Variants in PCNX2 observed in about 807,000 individuals in gnomAD.
PCNX2 encodes pecanex-like protein 2.
A neutral mutation model predicts 223.8 loss-of-function variants in PCNX2; 168 were observed. The ratio of observed to expected loss-of-function variants is 0.75; its 90% CI spans 0.66 to 0.85. The LOEUF is 0.85. PCNX2 is among the 40% of genes least tolerant of loss of function. The pLI, the probability that PCNX2 is intolerant of heterozygous loss-of-function variation, is 0.00. For synonymous variants in PCNX2, 1,006 were observed against 1,052.6 expected, an observed-to-expected ratio of 0.96 and a Z score of 0.86; for missense variants, 2,507 against 2,675.5, an observed-to-expected ratio of 0.94 and a Z score of 1.39.
intron 25 of PCNX2, among the ~76,000 whole-genome samples, chr1:233,034,261 G>A (rs922803844): frequency 6.6e-6 from 1 of 152,070 alleles, no homozygotes; most frequent in Non-Finnish European, 1.5e-5. Context: ...GGAGGTGATT[G>A]GGTTATGAGG....
intron 28 of PCNX2, among the ~76,000 whole-genome samples, chr1:233,009,686 T>G (rs1206052503): frequency 6.6e-6 from 1 of 152,140 alleles, no homozygotes; most frequent in Non-Finnish European, 1.5e-5. Flanking sequence ...AATCACAGAT[T>G]TCCAAATCCA....
intron 15 of PCNX2, among the ~76,000 whole-genome samples, chr1:233,197,652 A>G (rs917223714): frequency 6.6e-6 from 1 of 152,180 alleles, no homozygotes; most frequent in African/African-American, 2.4e-5. Context: ...GAAAATATCT[A>G]TATGATAGGA....
intron 23 of PCNX2, among the ~76,000 whole-genome samples, chr1:233,067,365 CAAAAAAAAAAAAAAAAAAA>C (rs750823791): frequency 0.16 from 635 of 3,892 alleles, 11 homozygotes; most frequent in East Asian, 0.36. Flanking sequence ...AGAGCTTCAG[CAAAAAAAAAAAAAAAAAAA>C]AAAAAAAAAA....
intron 1 of PCNX2, among the ~76,000 whole-genome samples, chr1:233,280,760 T>C (rs902374736): frequency 6.6e-6 from 1 of 152,258 alleles, no homozygotes; most frequent in African/African-American, 2.4e-5. Flanking sequence ...ACATTTATGA[T>C]AGTAACTTTA....
chr1:233,117,322 A>G (rs1366292587), intron 21 of PCNX2, among the ~76,000 whole-genome samples: 1 of 152,130 alleles, frequency 6.6e-6, no homozygotes, highest in East Asian at 1.9e-4. Flanking sequence ...CCAGACAAAG[A>G]CAATACACAC....
intron 21 of PCNX2, among the ~76,000 whole-genome samples, chr1:233,113,600 T>C (rs1675241831): frequency 6.6e-6 from 1 of 152,234 alleles, no homozygotes; most frequent in African/African-American, 2.4e-5. Flanking sequence ...TTGTGTAAGG[T>C]AGGAAAGAAA....
intron 19 of PCNX2, among the ~76,000 whole-genome samples, chr1:233,147,524 G>A (rs1467514548): frequency 1.3e-5 from 2 of 151,926 alleles, no homozygotes; most frequent in African/African-American, 2.4e-5. Context: ...AGGTGAAAAG[G>A]TGGAGGAAGT....
At chr1:233,032,910 G>T in intron 25 of PCNX2, 2 of 860,014 alleles carry the variant, frequency 2.3e-6, no homozygotes, top group Non-Finnish European at 2.8e-6. Context: ...TCACACTCAG[G>T]ATCATATTAA....
At chr1:233,315,708 CAGGT>C in the PCNX2 span, among the ~76,000 whole-genome samples, 18 of 152,038 alleles carry the variant, frequency 1.2e-4, no homozygotes, top group Non-Finnish European at 2.2e-4. Flanking sequence ...CTCACAAAAA[CAGGT>C]AGTATGACCA....
At chr1:233,116,729 C>G (rs547309373) in intron 21 of PCNX2, among the ~76,000 whole-genome samples, 8 of 152,046 alleles carry the variant, frequency 5.3e-5, no homozygotes, top group African/African-American at 1.7e-4. Flanking sequence ...AACAACATCC[C>G]ACCTCAAGAG....
intron 21 of PCNX2, among the ~76,000 whole-genome samples, chr1:233,100,686 C>G (rs1193238450): frequency 6.6e-6 from 1 of 152,156 alleles, no homozygotes. Context: ...GGAGACACCC[C>G]TCCCACACAC....
intron 1 of PCNX2, among the ~76,000 whole-genome samples, chr1:233,270,324 A>G (rs1386734588): frequency 6.6e-6 from 1 of 152,208 alleles, no homozygotes; most frequent in Non-Finnish European, 1.5e-5. Flanking sequence ...AATAAACTAA[A>G]CAAATTTAGT....
chr1:233,252,632 T>C lies in PCNX2; in HGVS notation c.1982+9A>G, dbSNP rs1164883587. ...CCAAGTGAAACTAAATTAAGTAACT[T>C]ATCCTTACAAGGCTGTGGTCTTGGC... On this transcript the variant is annotated intron_variant, in intron 6 of 33. Transcript: ENST00000258229. The C allele has an allele frequency of 6.2e-7, 1 of 1,605,894 alleles. No homozygotes were observed. Among genetic ancestry groups the C allele is most frequent in the Non-Finnish European group, 8.5e-7 (1 of 1,177,832 alleles).
intron 19 of PCNX2, among the ~76,000 whole-genome samples, chr1:233,148,493 C>T (rs895023250): frequency 2.0e-5 from 3 of 150,368 alleles, no homozygotes; most frequent in Non-Finnish European, 3.0e-5. Flanking sequence ...AGTCCAGTGG[C>T]GGGATCTTGG....
At chr1:232,985,152 A>T (rs1312737335) in intron 33 of PCNX2, 1 of 152,252 alleles carries the variant, frequency 6.6e-6, no homozygotes, top group Admixed American at 6.5e-5. Flanking sequence ...CCCTTCCATG[A>T]AAGGTGGCAC....
At chr1:233,119,768 T>G (rs1003076706) in intron 21 of PCNX2, among the ~76,000 whole-genome samples, 1 of 151,928 alleles carries the variant, frequency 6.6e-6, no homozygotes, top group African/African-American at 2.4e-5. Context: ...TCACTAAAAT[T>G]AAAACTTTTT....
chr1:233,165,539 T>G (rs902531801), intron 17 of PCNX2, among the ~76,000 whole-genome samples: 5 of 152,182 alleles, frequency 3.3e-5, no homozygotes, highest in Admixed American at 2.6e-4. Context: ...GGTATCTAAT[T>G]GTGGTTTTAA....
intron 19 of PCNX2, among the ~76,000 whole-genome samples, chr1:233,157,870 C>T (rs536416278): frequency 1.9e-4 from 29 of 152,180 alleles, no homozygotes; most frequent in Admixed American, 1.7e-3. Flanking sequence ...CTGTGACTCC[C>T]GGCTAGATTT....
intron 12 of PCNX2, chr1:233,211,672 G>A (rs1391516709): frequency 3.3e-6 from 2 of 611,916 alleles, no homozygotes; most frequent in Non-Finnish European, 4.1e-6. Flanking sequence ...GTAAGGACTG[G>A]AGCCCCATTT....
Sources: gnomAD v4.1 joint callset for allele counts (sites outside exome capture counted in the v4.1 genomes callset) on GRCh38, gnomAD v4.1.1 for gene constraint, MANE v1.5 for transcripts, NCBI Gene and HGNC (gene_info 2026-07-23, HGNC 2026-07-21) for gene names.